GSG1L: variants seen among roughly 807,000 people sequenced by gnomAD.
GSG1L encodes the protein germ cell-specific gene 1-like protein.
Under a neutral mutation model 42.1 loss-of-function variants are expected in GSG1L, and 24 were observed. That is an observed-to-expected ratio of 0.57 (90% CI 0.41 to 0.80). The LOEUF (loss-of-function observed/expected upper bound fraction) is 0.80. Ranked by LOEUF, GSG1L falls within the 30% of genes least tolerant of loss-of-function variation. GSG1L has a pLI of 0.00. For synonymous variants in GSG1L, 215 were observed against 203.5 expected (o/e 1.06, Z -0.48); for missense variants, 445 against 472.2 (o/e 0.94, Z 0.53).
rs763597385 is a variant in GSG1L at position 27,963,222 on chromosome 16, C to T, written c.350-19G>A. On this transcript the variant is annotated intron_variant, in intron 1 of 6. Coordinates refer to ENST00000447459, the MANE Select transcript of GSG1L (RefSeq NM_001109763.2). ...TTTTCACCTTTGAAAAGAAGAGAAG[C>T]GTTTTCAGAATGTGAGAGGACACGT... 8.1e-6 allele frequency: 13 copies of T among 1,613,030 alleles called. No homozygotes were observed. The highest frequency in any genetic ancestry group is 4.4e-5 in the South Asian group (4 of 91,028).
intron 1 of GSG1L, among the ~76,000 whole-genome samples, chr16:28,033,789 T>C (rs1178391735): frequency 6.6e-6 from 1 of 152,186 alleles, no homozygotes; most frequent in Admixed American, 6.5e-5. Flanking sequence ...ATATTGATCA[T>C]TATTATGACT....
chr16:27,896,496 C>T (rs1247103714), intron 2 of GSG1L, among the ~76,000 whole-genome samples: 3 of 152,178 alleles, frequency 2.0e-5, no homozygotes, highest in African/African-American at 7.2e-5. Flanking sequence ...GTGCAGCAAA[C>T]CACCATGGCA....
At position 27,803,046 on chromosome 16, in the gene GSG1L, A is replaced by T. The variant is rs1248760604; in HGVS notation, c.898+4441T>A. ...CCTCAAACTCCACACAGACAAAGCA[A>T]CATTGCCCTTCACAAACTGACCCCT... On this transcript the variant is annotated intron_variant, in intron 6 of 6. Transcript: ENST00000447459. 2.0e-5 allele frequency among the ~76,000 whole-genome samples: 3 copies of T among 151,942 alleles called. No homozygotes were observed. The East Asian group carries it at 5.8e-4, about 29-fold the overall frequency.
intron 3 of GSG1L, among the ~76,000 whole-genome samples, chr16:27,846,249 G>A (rs192280746): frequency 1.3e-5 from 2 of 152,136 alleles, no homozygotes; most frequent in African/African-American, 4.8e-5. Context: ...TTTTCTGAAG[G>A]GACAAGTCTC....
At chr16:27,881,273 GCT>G (rs2083952304) in intron 3 of GSG1L, among the ~76,000 whole-genome samples, 1 of 102,430 alleles carries the variant, frequency 9.8e-6, no homozygotes, top group South Asian at 3.2e-4. Flanking sequence ...ATGGGGTCTT[GCT>G]CTGTCACCCA....
chr16:27,821,896 T>TCC, intron 5 of GSG1L, among the ~76,000 whole-genome samples: 1 of 141,556 alleles, frequency 7.1e-6, no homozygotes, highest in South Asian at 2.3e-4. Context: ...TGAGCGAGAG[T>TCC]GTCTCAAAAA....
chr16:27,969,196 G>A (rs1162488264), intron 1 of GSG1L, among the ~76,000 whole-genome samples: 2 of 152,210 alleles, frequency 1.3e-5, no homozygotes, highest in African/African-American at 4.8e-5. Context: ...TCACCAGGCT[G>A]TGTGACCATC....
At chr16:27,860,363 C>T (rs907287543) in intron 3 of GSG1L, among the ~76,000 whole-genome samples, 2 of 152,216 alleles carry the variant, frequency 1.3e-5, no homozygotes, top group East Asian at 3.8e-4. Flanking sequence ...TCAGTAAATG[C>T]TGATTGACTC....
At position 28,021,085 on chromosome 16, in the gene GSG1L, A is replaced by G. The variant is rs943383725; in HGVS notation, c.349+41991T>C. On this transcript the variant is annotated intron_variant, in intron 1 of 6. Coordinates refer to ENST00000447459, the MANE Select transcript of GSG1L (RefSeq NM_001109763.2). ...AGGTGGTGTATTAGTCCTTTCTCAC[A>G]TGGCTATAAAGAGATACCGGAGACT... 3.3e-5 allele frequency among the ~76,000 whole-genome samples: 5 copies of G among 152,286 alleles called. No individual in the cohort carries two copies. The South Asian group carries it at 8.3e-4, about 25-fold the overall frequency.
chr16:28,050,177 G>A (rs2086206571), intron 1 of GSG1L, among the ~76,000 whole-genome samples: 1 of 147,572 alleles, frequency 6.8e-6, no homozygotes, highest in Non-Finnish European at 1.5e-5. Flanking sequence ...ACAAAGGAGA[G>A]CAAATCTTTT....
chr16:27,929,813 C>A (rs1275661935), intron 2 of GSG1L, among the ~76,000 whole-genome samples: 1 of 152,168 alleles, frequency 6.6e-6, no homozygotes, highest in Non-Finnish European at 1.5e-5. Context: ...CCAGGCCAAC[C>A]AGCATGGCGT....
At chr16:27,954,279 C>A (rs1340032587) in intron 2 of GSG1L, among the ~76,000 whole-genome samples, 3 of 151,556 alleles carry the variant, frequency 2.0e-5, no homozygotes, top group African/African-American at 7.3e-5. Flanking sequence ...CAAGAGATAA[C>A]AATAGAAAAA....
intron 5 of GSG1L, among the ~76,000 whole-genome samples, chr16:27,825,865 C>T (rs926289216): frequency 6.6e-6 from 1 of 152,154 alleles, no homozygotes; most frequent in Non-Finnish European, 1.5e-5. Context: ...TGAAGAAGGA[C>T]GTGTTTGCTT....
chr16:27,894,894 G>A (rs182943923), intron 2 of GSG1L, among the ~76,000 whole-genome samples: 1 of 152,214 alleles, frequency 6.6e-6, no homozygotes, highest in Non-Finnish European at 1.5e-5. Flanking sequence ...TGGGGGCAAG[G>A]TTGGTTCTAT....
chr16:27,792,505 A>G (rs2082766979), intron 6 of GSG1L, among the ~76,000 whole-genome samples: 1 of 152,176 alleles, frequency 6.6e-6, no homozygotes, highest in Non-Finnish European at 1.5e-5. Context: ...CTAGCGCACC[A>G]GAATCATTCC....
At chr16:27,871,371 G>C (rs1464544000) in intron 3 of GSG1L, among the ~76,000 whole-genome samples, 1 of 152,228 alleles carries the variant, frequency 6.6e-6, no homozygotes, top group African/African-American at 2.4e-5. Flanking sequence ...GCCGGGCGCA[G>C]TGGCTCACAC....
At chr16:27,974,648 T>G (rs1171416952) in intron 1 of GSG1L, among the ~76,000 whole-genome samples, 1 of 152,128 alleles carries the variant, frequency 6.6e-6, no homozygotes, top group African/African-American at 2.4e-5. Context: ...TCACACACCA[T>G]TGCATCTTGC....
At chr16:28,054,638 T>C (rs1369395564) in intron 1 of GSG1L, among the ~76,000 whole-genome samples, 2 of 151,326 alleles carry the variant, frequency 1.3e-5, no homozygotes, top group African/African-American at 2.4e-5. Flanking sequence ...CAAAAAATAA[T>C]AATAATAAAA....
At chr16:27,986,142 A>G (rs892935896) in intron 1 of GSG1L, among the ~76,000 whole-genome samples, 1 of 152,328 alleles carries the variant, frequency 6.6e-6, no homozygotes, top group Non-Finnish European at 1.5e-5. Flanking sequence ...GGTGGCTGAC[A>G]GTGTTTACAA....
Sources: gnomAD v4.1 joint callset for allele counts (sites outside exome capture counted in the v4.1 genomes callset) on GRCh38, gnomAD v4.1.1 for gene constraint, MANE v1.5 for transcripts, NCBI Gene and HGNC (gene_info 2026-07-23, HGNC 2026-07-21) for gene names.